The following FAM161B variants were observed in gnomAD, a reference collection of about 807,000 sequenced individuals.
FAM161B encodes the protein protein FAM161B.
A neutral mutation model predicts 61.5 loss-of-function variants in FAM161B; 46 were observed. The observed-to-expected ratio is 0.75, with a 90% CI of 0.59 to 0.96. FAM161B has a LOEUF of 0.96. Ranked by LOEUF, FAM161B falls within the 40% of genes least tolerant of loss-of-function variation. The probability of loss-of-function intolerance (pLI) is 0.00; values close to 1 mark genes in which losing one functional copy is unlikely to be tolerated. For missense variants in FAM161B, 774 were observed against 800.7 expected (o/e 0.97, Z 0.40); for synonymous variants, 284 against 302.7 (o/e 0.94, Z 0.64).
At chr14:73,946,251 TG>T (rs1362094166) in intron 2 of FAM161B, 34 bp downstream of exon 2, 1 of 1,591,610 alleles carries the variant, frequency 6.3e-7, no homozygotes, top group Non-Finnish European at 8.6e-7. Context: ...TGTGGAGGTG[TG>T]GAGTGAGGCA....
At chr14:73,928,542 T>C (rs1314712434), downstream of FAM161B, among the ~76,000 whole-genome samples, 1 of 152,200 alleles carries the variant, frequency 6.6e-6, no homozygotes, top group East Asian at 1.9e-4. Context: ...ATAGTACATT[T>C]GTTCCCTAGA....
At chr14:73,930,124 A>G (rs1048160424), downstream of FAM161B, among the ~76,000 whole-genome samples, 61 of 152,226 alleles carry the variant, frequency 4.0e-4, no homozygotes, top group Non-Finnish European at 7.3e-4. Context: ...GCACAAATAG[A>G]AATTACAAAT....
At position 73,942,360 on chromosome 14, in the gene FAM161B, G is replaced by A. The variant is rs2056026415; in HGVS notation, c.1272+9C>T. On this transcript the variant is annotated intron_variant, in intron 4 of 8. Coordinates refer to ENST00000286544, the MANE Select transcript of FAM161B (RefSeq NM_152445.3). ...GCCCTGACCCTCCCACAGCTGCCTG[G>A]GCTCTCACCTGCCTCCTTCCGGTGG... 3 of 1,611,992 alleles carry A rather than the reference G, an allele frequency of 1.9e-6. No individual in the cohort carries two copies. In the African/African-American group the frequency reaches 4.0e-5, roughly 22 times the overall value.
chr14:73,936,185 C>A, intron 7 of FAM161B, 97 bp from the exon 8 acceptor site: 1 of 1,329,690 alleles, frequency 7.5e-7, no homozygotes, highest in South Asian at 1.9e-5. Flanking sequence ...CCACAACCAC[C>A]ACCACCCTTA....
the FAM161B span, among the ~76,000 whole-genome samples, chr14:73,925,141 T>C: frequency 1.1e-5 from 1 of 90,538 alleles, no homozygotes; most frequent in African/African-American, 3.1e-5. Flanking sequence ...GGACTTTTCT[T>C]TTTATTGTTG....
Position 73,934,322 on chromosome 14 carries a change from T to A in FAM161B, c.1878A>T (p.Ala626=). 6.2e-7 allele frequency: 1 copy of A among 1,614,238 alleles called. No homozygotes were observed. The highest frequency in any genetic ancestry group is 8.5e-7 in the Non-Finnish European group (1 of 1,180,028). ...QGLEGSLEQP[A]SPRKVLEELS... Reference sequence around the variant, plus strand: ...GCTCCTCCAGTACTTTCCTGGGGCTTGCAGGCTGTTCTAGAGATCCTTCTA... The same window carrying A: ...GCTCCTCCAGTACTTTCCTGGGGCTAGCAGGCTGTTCTAGAGATCCTTCTA... The change falls in exon 9 of 9, where the codon GCA becomes GCT. Residue 626 remains alanine (A), a synonymous_variant. Transcript: ENST00000286544.
rs906747634 is a variant in FAM161B, at chr14:73,944,506, G to A, written c.754C>T (p.Leu252Phe). Residue 252 changes from leucine (L) to phenylalanine (F), a missense_variant, in exon 3 of 9, where the codon CTC (leucine) becomes TTC (phenylalanine). Physicochemically the swap from Leu to Phe is conservative, Grantham distance 22. Coordinates refer to ENST00000286544, the MANE Select transcript of FAM161B (RefSeq NM_152445.3). ...QAGIQKRKEL[L>F]LSSLKPFSFL... ...CTGAAGGGCTTCAAAGAAGAGAGGAGCAGTTCCTTCCTCTTCTGGATCCCT... is the reference window on the plus strand; with the variant it reads ...CTGAAGGGCTTCAAAGAAGAGAGGAACAGTTCCTTCCTCTTCTGGATCCCT... 4 of 1,614,036 alleles carry A rather than the reference G, an allele frequency of 2.5e-6. No homozygotes were observed. In the African/African-American group the frequency reaches 5.3e-5, roughly 22 times the overall value.
chr14:73,923,909 G>A, the FAM161B span, among the ~76,000 whole-genome samples: 1 of 152,094 alleles, frequency 6.6e-6, no homozygotes, highest in South Asian at 2.1e-4. Context: ...GTGTAAATTG[G>A]GTGAAATTTC....
At chr14:73,931,096 A>C (rs1279198205), downstream of FAM161B, among the ~76,000 whole-genome samples, 1 of 152,168 alleles carries the variant, frequency 6.6e-6, no homozygotes, top group Non-Finnish European at 1.5e-5. Context: ...GTACTTATAA[A>C]GGAACAGCTC....
At chr14:73,940,451 TTC>T (rs1196236775) in intron 5 of FAM161B, among the ~76,000 whole-genome samples, 25 of 152,284 alleles carry the variant, frequency 1.6e-4, no homozygotes, top group African/African-American at 4.8e-4. Flanking sequence ...TTTATCCATG[TTC>T]TCTCTGTCTG....
At chr14:73,931,115 A>G (rs962541143), downstream of FAM161B, among the ~76,000 whole-genome samples, 3 of 152,012 alleles carry the variant, frequency 2.0e-5, no homozygotes, top group African/African-American at 7.3e-5. Flanking sequence ...TCCTCTTCCT[A>G]TTTCCTTCTC....
At chr14:73,928,769 TC>T (rs2055870043), downstream of FAM161B, among the ~76,000 whole-genome samples, 1 of 151,964 alleles carries the variant, frequency 6.6e-6, no homozygotes, top group Non-Finnish European at 1.5e-5. Flanking sequence ...CAGAGCAAGA[TC>T]CTGTCTCTAC....
intron 3 of FAM161B, among the ~76,000 whole-genome samples, chr14:73,943,282 G>C (rs2056034816): frequency 6.6e-6 from 1 of 152,114 alleles, no homozygotes; most frequent in Non-Finnish European, 1.5e-5. Context: ...TTTCTCTACT[G>C]AATTGTGAAA....
intron 5 of FAM161B, among the ~76,000 whole-genome samples, chr14:73,938,510 T>G (rs567347277): frequency 6.6e-6 from 1 of 151,406 alleles, no homozygotes; most frequent in Non-Finnish European, 1.5e-5. Context: ...TGGTGGCTCA[T>G]GCCTGTAATC....
intron 5 of FAM161B, among the ~76,000 whole-genome samples, chr14:73,939,128 C>G (rs2055996263): frequency 6.6e-6 from 1 of 151,978 alleles, no homozygotes. Flanking sequence ...GAAACCCTGT[C>G]TCTACCAAAA....
At chr14:73,923,297 G>T in the FAM161B span, 1 of 1,341,710 alleles carries the variant, frequency 7.5e-7, no homozygotes, top group Non-Finnish European at 1.0e-6. Context: ...GGAAATAGAG[G>T]AATAGAGTTT....
intron 5 of FAM161B, among the ~76,000 whole-genome samples, chr14:73,938,472 T>A (rs529796556): frequency 1.1e-4 from 15 of 136,160 alleles, no homozygotes; most frequent in Non-Finnish European, 2.1e-4. Context: ...ATAATAATAA[T>A]AATAAAATAA....
intron 5 of FAM161B, among the ~76,000 whole-genome samples, chr14:73,940,083 GT>G (rs2056005198): frequency 6.6e-6 from 1 of 152,174 alleles, no homozygotes; most frequent in African/African-American, 2.4e-5. Flanking sequence ...ATCCAAGTAG[GT>G]TCTGAGTACT....
rs1371718112 is a variant in FAM161B, at chr14:73,936,200, G to A, written c.1666-112C>T. Reference sequence around the variant, plus strand: ...CCACAACCACCACCACCCTTATTGTGGGGCATAGATTTGCAAGAAAATTAT... The same window carrying A: ...CCACAACCACCACCACCCTTATTGTAGGGCATAGATTTGCAAGAAAATTAT... On this transcript the variant is annotated intron_variant, in intron 7 of 8. Coordinates refer to ENST00000286544, the MANE Select transcript of FAM161B (RefSeq NM_152445.3). 2.3e-5 allele frequency: 28 copies of A among 1,237,428 alleles called. No individual in the cohort carries two copies. In the East Asian group the frequency reaches 6.8e-4, roughly 30 times the overall value. 76.7% of individuals were successfully genotyped at this position (1,237,428 alleles called of 1,614,324 possible). A position where few individuals can be genotyped will look rare whatever the true frequency, so the allele number is the denominator to read the frequency against.
Sources: allele counts gnomAD v4.1 joint callset (sites outside exome capture counted in the v4.1 genomes callset), GRCh38; gene constraint gnomAD v4.1.1; transcripts MANE v1.5; gene names NCBI Gene and HGNC (gene_info 2026-07-23, HGNC 2026-07-21).